Variants in AXIN1 observed in about 807,000 individuals in gnomAD.
AXIN1 encodes the protein axin 1.
Under a neutral mutation model 76.4 loss-of-function variants are expected in AXIN1, and 30 were observed. The observed-to-expected ratio is 0.39, with a 90% CI of 0.29 to 0.53. AXIN1 has a LOEUF of 0.53. Ranked by LOEUF, AXIN1 falls within the 20% of genes least tolerant of loss-of-function variation. The pLI is 0.66. For synonymous variants in AXIN1, 545 were observed against 501.4 expected (o/e 1.09, Z -1.16); for missense variants, 1,140 against 1,198.8 (o/e 0.95, Z 0.72).
chr16:325,681 T>G (rs1482846570), intron 2 of AXIN1, among the ~76,000 whole-genome samples: 1 of 152,004 alleles, frequency 6.6e-6, no homozygotes, highest in Non-Finnish European at 1.5e-5. Flanking sequence ...GTGTACAACT[T>G]ATGGTCTGTC....
Position 288,255 on chromosome 16 carries a change from G to T in AXIN1, c.2463-7C>A, listed in dbSNP as rs749204074. 3 of 1,613,494 alleles carry T rather than the reference G, an allele frequency of 1.9e-6. No individual in the cohort carries two copies. Among genetic ancestry groups the T allele is most frequent in the Non-Finnish European group, 2.5e-6 (3 of 1,179,996 alleles). On this transcript the variant is annotated splice_region_variant and splice_polypyrimidine_tract_variant and intron_variant, in intron 10 of 10. Transcript: ENST00000262320. ...CACTTTCTTGAAGTAGTATCTGCAG[G>T]ACGGAGGTGAGGAGGGCAGTGAGCA...
intron 9 of AXIN1, chr16:290,225 C>T (rs2052517308): frequency 6.0e-6 from 1 of 165,376 alleles, no homozygotes. Context: ...GCCACCTGTC[C>T]TTCAAGTGAC....
At chr16:304,832 G>A (rs1175994297) in intron 4 of AXIN1, among the ~76,000 whole-genome samples, 4 of 152,212 alleles carry the variant, frequency 2.6e-5, no homozygotes, top group African/African-American at 4.8e-5. Context: ...ACCGGGCCCG[G>A]CCTTTGTTGT....
intron 5 of AXIN1, among the ~76,000 whole-genome samples, chr16:299,968 T>G (rs1174868863): frequency 6.7e-6 from 1 of 150,038 alleles, no homozygotes; most frequent in Non-Finnish European, 1.5e-5. Flanking sequence ...TTTTATTTAT[T>G]TAATTTTTTT....
chr16:325,897 A>G (rs1352095231), intron 2 of AXIN1, among the ~76,000 whole-genome samples: 2 of 152,176 alleles, frequency 1.3e-5, no homozygotes, highest in South Asian at 2.1e-4. Context: ...ACAAAGGCAC[A>G]GCACACAAAA....
intron 2 of AXIN1, among the ~76,000 whole-genome samples, chr16:333,333 G>GA (rs947297130): frequency 0.011 from 1,563 of 139,872 alleles, 17 homozygotes; most frequent in Non-Finnish European, 0.016. Flanking sequence ...ATTCCATCTC[G>GA]AAAAAAAAAA....
intron 4 of AXIN1, among the ~76,000 whole-genome samples, 195 bp downstream of exon 4, chr16:309,778 G>T (rs2053125655): frequency 1.3e-5 from 2 of 152,220 alleles, no homozygotes. Context: ...GGCCCTAAAT[G>T]CTGCCTGAGA....
At chr16:290,871 G>A (rs2052538316) in intron 9 of AXIN1, 1 of 457,266 alleles carries the variant, frequency 2.2e-6, no homozygotes, top group African/African-American at 2.0e-5. Context: ...GCCGGGTGGA[G>A]GCGCAGGCAG....
chr16:289,552 C>T lies in AXIN1; in HGVS notation c.2350G>A (p.Val784Ile), dbSNP rs777185421. 34 of 1,613,070 alleles carry T rather than the reference C, an allele frequency of 2.1e-5. 1 individual carries two copies. The highest frequency in any genetic ancestry group is 1.2e-4 in the South Asian group (11 of 91,090). ...GGSAQPCDSI[V>I]VAYYFCGEPI... ...TCCCCGCAGAAGTAGTACGCCACAA[C>T]GATGCTGTCACACGGCTGGGCACTC... Residue 784 changes from valine (V) to isoleucine (I), a missense_variant, in exon 10 of 11, where the codon GTT becomes ATT. By Grantham distance (29) the Val-to-Ile change is conservative. Transcript: ENST00000262320.
intron 9 of AXIN1, chr16:290,870 A>G (rs1025967858): frequency 4.4e-6 from 2 of 454,192 alleles, no homozygotes; most frequent in East Asian, 4.3e-5. Context: ...AGCCGGGTGG[A>G]GGCGCAGGCA....
At chr16:339,898 A>C (rs1425440442) in intron 2 of AXIN1, among the ~76,000 whole-genome samples, 2 of 152,100 alleles carry the variant, frequency 1.3e-5, no homozygotes, top group Non-Finnish European at 2.9e-5. Context: ...CAGGAAGCAG[A>C]GTTCACCCTT....
At chr16:308,600 G>A (rs754072554) in intron 4 of AXIN1, among the ~76,000 whole-genome samples, 7 of 152,242 alleles carry the variant, frequency 4.6e-5, no homozygotes, top group South Asian at 2.1e-4. Context: ...GCGGCTCCGC[G>A]GGTTCTTGAC....
intron 2 of AXIN1, among the ~76,000 whole-genome samples, chr16:322,277 G>A (rs909198066): frequency 5.3e-5 from 8 of 152,182 alleles, no homozygotes; most frequent in Admixed American, 1.3e-4. Flanking sequence ...GGAACATGGC[G>A]CACACCCCAG....
intron 2 of AXIN1, among the ~76,000 whole-genome samples, chr16:337,554 T>C (rs1314817452): frequency 7.1e-6 from 1 of 140,954 alleles, no homozygotes; most frequent in Non-Finnish European, 1.5e-5. Flanking sequence ...GGAGGGTGAG[T>C]GCCATGAGCA....
Position 297,772 on chromosome 16 carries a change from G to A in AXIN1, c.1734C>T (p.Tyr578=), listed in dbSNP as rs750423217. The A allele has an allele frequency of 1.9e-6, 3 of 1,583,572 alleles. No homozygotes were observed. Among genetic ancestry groups the A allele is most frequent in the South Asian group, 2.3e-5 (2 of 87,400 alleles). ...PHSHGARSRG[Y]SESVGAAPNA... Reference sequence around the variant, plus strand: ...TGGGGGCAGCGCCAACACTCTCTGAGTAGCCTCGGGACCTTGCCCCATGGC... The same window carrying A: ...TGGGGGCAGCGCCAACACTCTCTGAATAGCCTCGGGACCTTGCCCCATGGC... Residue 578 remains tyrosine (Y), a synonymous_variant, in exon 6 of 11, where the codon TAC becomes TAT. Transcript: ENST00000262320.
Position 326,372 on chromosome 16 carries a change from A to AATATAT in AXIN1, c.879-11695_879-11690dup, listed in dbSNP as rs67811547. ...TCCGTCTCAAAAAAAAAAAAAAAAA[A>AATATAT]ATATATATATATATATATATATACA... is the stretch of plus-strand genomic sequence containing the variant. On this transcript the variant is annotated intron_variant, in intron 2 of 10. Coordinates refer to ENST00000262320, the MANE Select transcript of AXIN1 (RefSeq NM_003502.4). 3.6e-3 allele frequency among the ~76,000 whole-genome samples: 313 copies of AATATAT among 86,410 alleles called. 2 individuals carry two copies. Among genetic ancestry groups the AATATAT allele is most frequent in the Middle Eastern group, 0.02 (3 of 150 alleles). 56.7% of individuals were successfully genotyped at this position (86,410 alleles called of 152,430 possible). A position where few individuals can be genotyped will look rare whatever the true frequency, so the allele number is the denominator to read the frequency against.
intron 2 of AXIN1, among the ~76,000 whole-genome samples, chr16:341,960 G>A (rs945243369): frequency 2.0e-5 from 3 of 152,180 alleles, no homozygotes; most frequent in African/African-American, 7.2e-5. Context: ...CTAGCTCAGG[G>A]ATTGTAAACG....
chr16:350,863 G>A (rs2054127857), intron 1 of AXIN1, among the ~76,000 whole-genome samples: 1 of 152,228 alleles, frequency 6.6e-6, no homozygotes, highest in South Asian at 2.1e-4. Flanking sequence ...CAGGTGAGGT[G>A]GCTCACGCCT....
At chr16:289,744 C>T in intron 9 of AXIN1, 137 bp from the exon 10 acceptor site, 1 of 1,008,358 alleles carries the variant, frequency 9.9e-7, no homozygotes, top group Non-Finnish European at 1.5e-6. Context: ...ACACCTGGGG[C>T]CCGCAGCCCC....
Sources: gnomAD v4.1 joint callset for allele counts (sites outside exome capture counted in the v4.1 genomes callset) on GRCh38, gnomAD v4.1.1 for gene constraint, MANE v1.5 for transcripts, NCBI Gene and HGNC (gene_info 2026-07-23, HGNC 2026-07-21) for gene names.